The following BTBD16 variants were observed in gnomAD, a reference collection of about 807,000 sequenced individuals.
The protein encoded by BTBD16 is BTB domain containing 16.
Under a neutral mutation model 67.4 loss-of-function variants are expected in BTBD16, and 66 were observed. That is an observed-to-expected ratio of 0.98 (90% CI 0.80 to 1.20). The LOEUF is 1.20. Among genes scored for constraint, BTBD16 ranks in the 50% most tolerant of loss-of-function variants. The probability of loss-of-function intolerance (pLI) is 0.00; values close to 1 mark genes in which losing one functional copy is unlikely to be tolerated. For synonymous variants in BTBD16, 242 were observed against 236.4 expected (o/e 1.02, Z -0.22); for missense variants, 634 against 616.0 (o/e 1.03, Z -0.31).
intron 7 of BTBD16, chr10:122,291,790 C>T (rs544938243): frequency 6.6e-6 from 1 of 152,362 alleles, no homozygotes; most frequent in Admixed American, 6.5e-5. Flanking sequence ...AATCCCCCTG[C>T]CCATTTTAGG....
intron 10 of BTBD16, among the ~76,000 whole-genome samples, chr10:122,314,118 G>T (rs1470104424): frequency 6.6e-6 from 1 of 152,156 alleles, no homozygotes; most frequent in African/African-American, 2.4e-5. Flanking sequence ...CTGAGATTTT[G>T]ACTGGGAAGA....
chr10:122,283,410 G>A (rs1481490946), intron 3 of BTBD16, among the ~76,000 whole-genome samples: 1 of 152,182 alleles, frequency 6.6e-6, no homozygotes, highest in African/African-American at 2.4e-5. Context: ...GTAGATGCTA[G>A]GTTTAGTTTT....
chr10:122,276,702 A>T, intron 2 of BTBD16, 89 bp from the exon 3 acceptor site: 1 of 1,532,852 alleles, frequency 6.5e-7, no homozygotes, highest in African/African-American at 1.4e-5. Context: ...ATTTGTCTTG[A>T]TTTCCTTCTT....
chr10:122,316,332 C>A (rs2096424336), intron 10 of BTBD16, among the ~76,000 whole-genome samples: 1 of 152,108 alleles, frequency 6.6e-6, no homozygotes, highest in Admixed American at 6.5e-5. Context: ...CCCACCACCA[C>A]CATTGGTGGG....
chr10:122,276,475 G>C (rs1001235700), intron 2 of BTBD16, among the ~76,000 whole-genome samples: 2 of 152,164 alleles, frequency 1.3e-5, no homozygotes, highest in Non-Finnish European at 2.9e-5. Flanking sequence ...AGTACTTAAA[G>C]CCTAATACTA....
chr10:122,288,348 G>C (rs2096367561), intron 5 of BTBD16, among the ~76,000 whole-genome samples: 1 of 152,196 alleles, frequency 6.6e-6, no homozygotes, highest in Non-Finnish European at 1.5e-5. Context: ...TAGGTTCTCA[G>C]TGAGTATTTA....
rs151024164 is a variant in BTBD16, at chr10:122,336,619, G to A, written c.1389G>A (p.Gln463=). The A allele has an allele frequency of 2.5e-5, 40 of 1,612,776 alleles. No homozygotes were observed. In the African/African-American group the frequency reaches 5.2e-4, roughly 21 times the overall value. Residue 463 remains glutamine (Q), a synonymous_variant, in exon 15 of 16, where the codon CAG becomes CAA. Transcript: ENST00000260723. ...RAEALVDGKW[Q]EFRTNQIKQK... ...AGGCCCTGGTTGACGGCAAGTGGCA[G>A]GAGTTCAGGACAAACCAGATCAAGC...
At chr10:122,329,660 T>C in intron 11 of BTBD16, 89 bp downstream of exon 11, 1 of 1,101,592 alleles carries the variant, frequency 9.1e-7, no homozygotes, top group Non-Finnish European at 1.3e-6. Flanking sequence ...CCCCACCTGA[T>C]GTTTCCAAGG....
chr10:122,310,135 G>A (rs2096411189), intron 10 of BTBD16, among the ~76,000 whole-genome samples: 1 of 152,240 alleles, frequency 6.6e-6, no homozygotes, highest in Admixed American at 6.5e-5. Flanking sequence ...AAAATTCAGA[G>A]AATGTCATGC....
At chr10:122,309,558 T>A (rs531193762) in intron 10 of BTBD16, among the ~76,000 whole-genome samples, 101 of 152,018 alleles carry the variant, frequency 6.6e-4, no homozygotes, top group African/African-American at 2.4e-3. Flanking sequence ...TTGGCCAGAA[T>A]GGTCTCGATC....
At chr10:122,316,944 CG>C (rs1402078600) in intron 10 of BTBD16, among the ~76,000 whole-genome samples, 1 of 152,110 alleles carries the variant, frequency 6.6e-6, no homozygotes, top group Admixed American at 6.5e-5. Context: ...TGTGTCAGTG[CG>C]CCCGGCTAAT....
intron 11 of BTBD16, 84 bp from the exon 12 acceptor site, chr10:122,331,092 C>T (rs2096454310): frequency 1.9e-6 from 3 of 1,538,626 alleles, no homozygotes; most frequent in East Asian, 4.6e-5. Flanking sequence ...CTCCGGACTT[C>T]TTCCTTTTCC....
At chr10:122,296,538 C>T (rs533030029) in intron 7 of BTBD16, among the ~76,000 whole-genome samples, 9 of 152,314 alleles carry the variant, frequency 5.9e-5, no homozygotes, top group African/African-American at 1.9e-4. Flanking sequence ...CCAGTGGCTA[C>T]TCTCGGGTGC....
At position 122,325,428 on chromosome 10, in the gene BTBD16, C is replaced by T. The variant is rs113196328; in HGVS notation, c.912-4052C>T. 1.8e-3 allele frequency among the ~76,000 whole-genome samples: 274 copies of T among 152,274 alleles called. 1 individual carries two copies. Among genetic ancestry groups the T allele is most frequent in the African/African-American group, 5.6e-3 (231 of 41,554 alleles). On this transcript the variant is annotated intron_variant, in intron 10 of 15. Transcript: ENST00000260723. ...CAGCCCCACCTCTGCCATTCACTGC[C>T]TGTAGACTTTGGGCAAGCACCCTAA...
chr10:122,336,777 A>G, intron 15 of BTBD16, 95 bp downstream of exon 15: 2 of 1,120,520 alleles, frequency 1.8e-6, no homozygotes, highest in South Asian at 3.9e-5. Flanking sequence ...CCAGTGCTCT[A>G]CACTGAAGAT....
intron 9 of BTBD16, chr10:122,303,703 G>T (rs1230376767): frequency 2.3e-6 from 2 of 875,592 alleles, no homozygotes; most frequent in South Asian, 5.3e-5. Context: ...TTCCCCTAAA[G>T]AACAATTACC....
At chr10:122,332,383 C>A in intron 12 of BTBD16, 53 bp from the exon 13 acceptor site, 2 of 1,558,646 alleles carry the variant, frequency 1.3e-6, no homozygotes, top group Non-Finnish European at 1.8e-6. Context: ...TGAAGAGAGG[C>A]GCTCGTGTCC....
At chr10:122,287,843 G>A (rs1000520218) in intron 5 of BTBD16, among the ~76,000 whole-genome samples, 20 of 152,162 alleles carry the variant, frequency 1.3e-4, no homozygotes, top group African/African-American at 4.3e-4. Context: ...TCTCTAGCGT[G>A]GAATCCAAGG....
intron 10 of BTBD16, among the ~76,000 whole-genome samples, chr10:122,324,288 AC>A (rs1454046916): frequency 6.6e-6 from 1 of 151,980 alleles, no homozygotes; most frequent in East Asian, 1.9e-4. Context: ...ACCTTCCCCC[AC>A]CCATTCCCCC....
Sources: allele counts gnomAD v4.1 joint callset (sites outside exome capture counted in the v4.1 genomes callset), GRCh38; gene constraint gnomAD v4.1.1; transcripts MANE v1.5; gene names NCBI Gene and HGNC (gene_info 2026-07-23, HGNC 2026-07-21).